Variants in RGS7 observed in about 807,000 individuals in gnomAD.
The protein encoded by RGS7 is regulator of G protein signaling 7.
A neutral mutation model predicts 81.1 loss-of-function variants in RGS7; 27 were observed. That is an observed-to-expected ratio of 0.33 (90% CI 0.25 to 0.46). The LOEUF (loss-of-function observed/expected upper bound fraction) is 0.46. RGS7 is among the 20% of genes least tolerant of loss of function. RGS7 has a pLI of 1.00. For synonymous variants in RGS7, 208 were observed against 207.7 expected (o/e 1.00, Z -0.01); for missense variants, 396 against 607.4 (o/e 0.65, Z 3.66).
chr1:240,993,853 T>C (rs1686885230), intron 3 of RGS7, among the ~76,000 whole-genome samples: 1 of 152,196 alleles, frequency 6.6e-6, no homozygotes. Flanking sequence ...TTAGTGTTTG[T>C]ATAAGTTGTG....
intron 3 of RGS7, among the ~76,000 whole-genome samples, chr1:241,070,226 A>G (rs2062352351): frequency 6.6e-6 from 1 of 152,028 alleles, no homozygotes; most frequent in South Asian, 2.1e-4. Flanking sequence ...TTCGTGAAAG[A>G]TAAATTGATG....
At chr1:241,209,038 G>A (rs763229546) in intron 2 of RGS7, among the ~76,000 whole-genome samples, 1 of 152,204 alleles carries the variant, frequency 6.6e-6, no homozygotes, top group Non-Finnish European at 1.5e-5. Flanking sequence ...ATGGATACAG[G>A]CTGATGATAG....
At chr1:240,932,946 C>T (rs261860) in intron 5 of RGS7, among the ~76,000 whole-genome samples, 37 of 126,130 alleles carry the variant, frequency 2.9e-4, no homozygotes, top group Non-Finnish European at 4.5e-4. Context: ...TGCAGTGGCG[C>T]GATCTCGGCT....
chr1:240,872,574 T>A (rs1558390614), intron 6 of RGS7, among the ~76,000 whole-genome samples: 1 of 152,254 alleles, frequency 6.6e-6, no homozygotes, highest in African/African-American at 2.4e-5. Flanking sequence ...CTTGACCGGA[T>A]AGGCCCAGAC....
chr1:240,940,256 G>C (rs1388056499), intron 4 of RGS7, among the ~76,000 whole-genome samples: 1 of 152,094 alleles, frequency 6.6e-6, no homozygotes, highest in African/African-American at 2.4e-5. Context: ...TGTCTAAAAA[G>C]TATAGAAGTG....
chr1:241,014,143 T>C (rs988108764), intron 3 of RGS7, among the ~76,000 whole-genome samples: 2 of 152,246 alleles, frequency 1.3e-5, no homozygotes, highest in Non-Finnish European at 2.9e-5. Context: ...ACCAAGCCTA[T>C]GTTTTCATCT....
At chr1:241,131,725 C>T (rs377480287) in intron 2 of RGS7, among the ~76,000 whole-genome samples, 15 of 152,258 alleles carry the variant, frequency 9.9e-5, no homozygotes, top group East Asian at 5.8e-4. Context: ...TAAATCAAAA[C>T]ATTACAAATG....
At chr1:240,812,374 G>A (rs1689999070) in intron 13 of RGS7, among the ~76,000 whole-genome samples, 1 of 151,668 alleles carries the variant, frequency 6.6e-6, no homozygotes, top group East Asian at 1.9e-4. Context: ...ACTTGCCAAT[G>A]TCAGGCAAGT....
intron 2 of RGS7, among the ~76,000 whole-genome samples, chr1:241,270,753 C>A (rs1372554054): frequency 9.2e-6 from 1 of 108,360 alleles, no homozygotes; most frequent in East Asian, 3.1e-4. Context: ...AGAAATAAAC[C>A]CCCCCCCCTT....
intron 6 of RGS7, among the ~76,000 whole-genome samples, chr1:240,929,523 G>A (rs1223310529): frequency 6.6e-6 from 1 of 152,000 alleles, no homozygotes; most frequent in Non-Finnish European, 1.5e-5. Context: ...TTTGACTAGA[G>A]CCTGACCATT....
chr1:241,039,149 C>T (rs1401028958), intron 3 of RGS7, among the ~76,000 whole-genome samples: 1 of 152,060 alleles, frequency 6.6e-6, no homozygotes, highest in South Asian at 2.1e-4. Flanking sequence ...CTGAAGTTGA[C>T]ACATTCAGGA....
chr1:241,169,883 CT>C lies in RGS7; in HGVS notation c.79-71122del, dbSNP rs200440489. ...GCATTTATAACAAGCATCCTCAATG[CT>C]TAGGAGGGTTCTCAACCAGCCAATT... On this transcript the variant is annotated intron_variant, in intron 2 of 18. Transcript: ENST00000440928. 3.5e-3 allele frequency among the ~76,000 whole-genome samples: 539 copies of C among 151,990 alleles called. 9 individuals carry two copies. The highest frequency in any genetic ancestry group is 0.031 in the Admixed American group (477 of 15,242).
chr1:240,810,603 T>G (rs1268199199), intron 14 of RGS7, among the ~76,000 whole-genome samples: 1 of 151,930 alleles, frequency 6.6e-6, no homozygotes, highest in South Asian at 2.1e-4. Context: ...TGTGCCACCA[T>G]GCCCGGTTAA....
At position 241,143,871 on chromosome 1, in the gene RGS7, G is replaced by A. The variant is rs2068104837; in HGVS notation, c.79-45109C>T. Among the ~76,000 whole-genome samples, 3 of 152,130 alleles carry A rather than the reference G, an allele frequency of 2.0e-5. No individual in the cohort carries two copies. In the South Asian group the frequency reaches 6.2e-4, roughly 32 times the overall value. ...ATGAGATTAGTGCCCTTATAAAGGA[G>A]GCCTGAGGGAGATTGCTTGTCCTTT... On this transcript the variant is annotated intron_variant, in intron 2 of 18. Transcript: ENST00000440928.
At chr1:241,204,974 C>T (rs954256401) in intron 2 of RGS7, among the ~76,000 whole-genome samples, 6 of 151,492 alleles carry the variant, frequency 4.0e-5, no homozygotes, top group Non-Finnish European at 8.8e-5. Context: ...CACAGTTACA[C>T]AAAAGTAAAT....
chr1:240,812,234 C>T (rs1210983203), intron 13 of RGS7, among the ~76,000 whole-genome samples, 191 bp from the exon 14 acceptor site: 2 of 152,040 alleles, frequency 1.3e-5, no homozygotes, highest in Non-Finnish European at 1.5e-5. Flanking sequence ...TAAAGTCTAA[C>T]ATTTATTGAG....
chr1:240,832,598 A>G (rs938713778), intron 9 of RGS7, among the ~76,000 whole-genome samples: 46 of 152,182 alleles, frequency 3.0e-4, no homozygotes, highest in African/African-American at 1.0e-3. Context: ...CTTTCATGCG[A>G]TAGTACATTT....
At chr1:241,061,412 T>TA (rs1482179796) in intron 3 of RGS7, among the ~76,000 whole-genome samples, 3 of 152,120 alleles carry the variant, frequency 2.0e-5, no homozygotes, top group Non-Finnish European at 4.4e-5. Context: ...AGAATTGATA[T>TA]AAAAAACCAA....
At chr1:241,196,676 G>A (rs991542156) in intron 2 of RGS7, among the ~76,000 whole-genome samples, 1 of 152,044 alleles carries the variant, frequency 6.6e-6, no homozygotes, top group Non-Finnish European at 1.5e-5. Flanking sequence ...GAGTAAATAT[G>A]TGGATAAACA....
Sources: gnomAD v4.1 joint callset for allele counts (sites outside exome capture counted in the v4.1 genomes callset) on GRCh38, gnomAD v4.1.1 for gene constraint, MANE v1.5 for transcripts, NCBI Gene and HGNC (gene_info 2026-07-23, HGNC 2026-07-21) for gene names.